Variants in TAFA1 observed in about 807,000 individuals in gnomAD.
TAFA1 encodes the protein TAFA chemokine like family member 1.
A neutral mutation model predicts 18.5 loss-of-function variants in TAFA1; 4 were observed. That is an observed-to-expected ratio of 0.22 (90% CI 0.11 to 0.49). TAFA1 has a LOEUF of 0.49. Ranked by LOEUF, TAFA1 falls within the 20% of genes least tolerant of loss-of-function variation. TAFA1 has a pLI of 0.98. For missense variants in TAFA1, 147 were observed against 169.0 expected (o/e 0.87, Z 0.72); for synonymous variants, 56 against 55.2 (o/e 1.01, Z -0.06).
At chr3:68,380,432 G>T (rs1163310496) in intron 2 of TAFA1, among the ~76,000 whole-genome samples, 1 of 152,056 alleles carries the variant, frequency 6.6e-6, no homozygotes, top group Non-Finnish European at 1.5e-5. Context: ...AGCACCTGTT[G>T]TTTCCTGACT....
chr3:68,016,529 T>C (rs1704573443), intron 2 of TAFA1, among the ~76,000 whole-genome samples: 1 of 152,188 alleles, frequency 6.6e-6, no homozygotes, highest in Admixed American at 6.5e-5. Context: ...CAACATTCTG[T>C]ACCCTGATGT....
At chr3:68,349,937 G>A (rs2069235880) in intron 2 of TAFA1, among the ~76,000 whole-genome samples, 1 of 151,982 alleles carries the variant, frequency 6.6e-6, no homozygotes, top group African/African-American at 2.4e-5. Flanking sequence ...GAACTTTATG[G>A]TTTGCCACAG....
chr3:68,030,411 C>G (rs955651336), intron 2 of TAFA1, among the ~76,000 whole-genome samples: 6 of 152,100 alleles, frequency 3.9e-5, no homozygotes, highest in African/African-American at 1.2e-4. Context: ...CTATCCTTCC[C>G]CTAACCCCCC....
rs1321204548 is a variant in TAFA1, at chr3:68,345,154, C to T, written c.119-72126C>T. 2.6e-5 allele frequency among the ~76,000 whole-genome samples: 4 copies of T among 152,176 alleles called. No homozygotes were observed. The South Asian group carries it at 6.2e-4, about 24-fold the overall frequency. On this transcript the variant is annotated intron_variant, in intron 2 of 4. Transcript: ENST00000478136. ...ACAGTCTACATCCTGGAAGAGATCA[C>T]CATTTTGAACCAGACCAACTGTGAA...
chr3:68,429,406 A>G (rs1342644983), intron 3 of TAFA1, among the ~76,000 whole-genome samples: 1 of 151,976 alleles, frequency 6.6e-6, no homozygotes, highest in Non-Finnish European at 1.5e-5. Context: ...CTGATGCCTT[A>G]GAGAAGTTAG....
chr3:68,151,467 T>C (rs1266461523), intron 2 of TAFA1, among the ~76,000 whole-genome samples: 1 of 152,152 alleles, frequency 6.6e-6, no homozygotes, highest in Non-Finnish European at 1.5e-5. Flanking sequence ...TAGTAATTCA[T>C]ACAGAAAAGA....
chr3:68,257,136 A>G (rs1019458551), intron 2 of TAFA1, among the ~76,000 whole-genome samples: 10 of 151,886 alleles, frequency 6.6e-5, no homozygotes, highest in Non-Finnish European at 1.0e-4. Flanking sequence ...GGTATTTGCA[A>G]CCTGCTGTTC....
At chr3:68,109,678 A>ATTG (rs565153738) in intron 2 of TAFA1, among the ~76,000 whole-genome samples, 66 of 151,986 alleles carry the variant, frequency 4.3e-4, no homozygotes, top group East Asian at 9.7e-4. Flanking sequence ...TACTAAGAAA[A>ATTG]TTGTTGTTGT....
rs941526510 is a variant in TAFA1 at position 68,124,739 on chromosome 3, C to T, written c.118+117995C>T. On this transcript the variant is annotated intron_variant, in intron 2 of 4. Coordinates refer to ENST00000478136, the MANE Select transcript of TAFA1 (RefSeq NM_213609.4). ...AATTTATGTGAGTCAGGATTTGAAC[C>T]AAGTCAGTCTAGGTCCAGAGCCTGT... 1.2e-4 allele frequency among the ~76,000 whole-genome samples: 18 copies of T among 152,162 alleles called. 1 individual carries two copies. The highest frequency in any genetic ancestry group is 2.4e-4 in the Non-Finnish European group (16 of 68,036).
intron 2 of TAFA1, among the ~76,000 whole-genome samples, chr3:68,173,313 A>G (rs933509564): frequency 3.9e-5 from 6 of 152,196 alleles, no homozygotes; most frequent in African/African-American, 1.4e-4. Context: ...GCCGCTTAAG[A>G]GCCCTATATA....
chr3:68,399,470 G>T (rs1393389990), intron 2 of TAFA1, among the ~76,000 whole-genome samples: 2 of 152,124 alleles, frequency 1.3e-5, no homozygotes, highest in Non-Finnish European at 2.9e-5. Flanking sequence ...AGGAATCAAT[G>T]ATGGTGAGTT....
At chr3:68,184,597 C>G (rs1397884455) in intron 2 of TAFA1, among the ~76,000 whole-genome samples, 2 of 152,040 alleles carry the variant, frequency 1.3e-5, no homozygotes, top group Non-Finnish European at 2.9e-5. Context: ...ATCCCTAAAG[C>G]AGGACTATTG....
At chr3:68,089,800 T>C (rs2065011175) in intron 2 of TAFA1, among the ~76,000 whole-genome samples, 1 of 152,170 alleles carries the variant, frequency 6.6e-6, no homozygotes. Context: ...TCCCTCAATG[T>C]CTGGGCTAGG....
intron 2 of TAFA1, among the ~76,000 whole-genome samples, chr3:68,324,909 G>A (rs906533608): frequency 6.6e-6 from 1 of 152,166 alleles, no homozygotes; most frequent in Non-Finnish European, 1.5e-5. Context: ...CTGTGTTATG[G>A]TCTATGCTCA....
chr3:68,277,166 G>A lies in TAFA1; in HGVS notation c.119-140114G>A, dbSNP rs1195200029. On this transcript the variant is annotated intron_variant, in intron 2 of 4. Transcript: ENST00000478136. ...TATATTAGTGCATACATTAGAATGTGTATTCCACCTTTATTCATACCAGAA... is the reference window on the plus strand; with the variant it reads ...TATATTAGTGCATACATTAGAATGTATATTCCACCTTTATTCATACCAGAA... Among the ~76,000 whole-genome samples the A allele has an allele frequency of 5.9e-5, 9 of 152,242 alleles. No individual in the cohort carries two copies. In the East Asian group the frequency reaches 1.7e-3, roughly 29 times the overall value.
chr3:68,309,990 T>A (rs2068487855), intron 2 of TAFA1, among the ~76,000 whole-genome samples: 1 of 152,184 alleles, frequency 6.6e-6, no homozygotes, highest in South Asian at 2.1e-4. Context: ...AGGTAACCCT[T>A]TCTCGAGGAA....
chr3:68,021,393 G>A (rs1212170183), intron 2 of TAFA1, among the ~76,000 whole-genome samples: 1 of 152,032 alleles, frequency 6.6e-6, no homozygotes, highest in Non-Finnish European at 1.5e-5. Context: ...CTACTAGTCA[G>A]CTGAAATCTT....
At chr3:68,540,335 T>G (rs1246073357) in intron 4 of TAFA1, among the ~76,000 whole-genome samples, 1 of 152,166 alleles carries the variant, frequency 6.6e-6, no homozygotes, top group Non-Finnish European at 1.5e-5. Flanking sequence ...ATGTGGATTA[T>G]CCTGTTTCAT....
intron 3 of TAFA1, among the ~76,000 whole-genome samples, chr3:68,452,045 C>A (rs2071573706): frequency 6.6e-6 from 1 of 151,836 alleles, no homozygotes; most frequent in Non-Finnish European, 1.5e-5. Context: ...GAAGGAAAGG[C>A]CAAGAGAGGG....
Sources: allele counts gnomAD v4.1 joint callset (sites outside exome capture counted in the v4.1 genomes callset), GRCh38; gene constraint gnomAD v4.1.1; transcripts MANE v1.5; gene names NCBI Gene and HGNC (gene_info 2026-07-23, HGNC 2026-07-21).